Variants in TRIM64 observed in about 807,000 individuals in gnomAD.
TRIM64 encodes the protein tripartite motif containing 64.
TRIM64 carries 3 observed loss-of-function variants against 10.6 expected under a neutral mutation model. That is an observed-to-expected ratio of 0.28 (90% CI 0.13 to 0.73). TRIM64 has a LOEUF of 0.73. TRIM64 is among the 30% of genes least tolerant of loss of function. The pLI, the probability that TRIM64 is intolerant of heterozygous loss-of-function variation, is 0.71. For missense variants in TRIM64, 29 were observed against 152.0 expected (o/e 0.19, Z 4.25); for synonymous variants, 8 against 56.0 (o/e 0.14, Z 3.83).
chr11:89,967,974 G>A (rs1458015912), upstream of TRIM64, among the ~76,000 whole-genome samples: 3 of 35,510 alleles, frequency 8.4e-5, no homozygotes, highest in African/African-American at 2.4e-4. Flanking sequence ...GTAGAAACGG[G>A]GTTTCACGGT....
At chr11:89,968,083 C>A (rs1488214983), upstream of TRIM64, among the ~76,000 whole-genome samples, 1 of 35,290 alleles carries the variant, frequency 2.8e-5, no homozygotes. Context: ...CCCTGCCAAA[C>A]ATGTACATAT....
chr11:89,966,455 A>T (rs1590900190), upstream of TRIM64, among the ~76,000 whole-genome samples: 3 of 74,422 alleles, frequency 4.0e-5, no homozygotes, highest in East Asian at 1.2e-3. Context: ...GAATGTGGGC[A>T]TGTAGTAGTG....
exon 1 of TRIM64, chr11:89,968,646 C>T: frequency 1.4e-6 from 1 of 738,418 alleles, no homozygotes; most frequent in Non-Finnish European, 1.8e-6. Context: ...GAAGGCAGAG[C>T]ACCAATGCGC....
rs4002129 is a variant in TRIM64, at chr11:89,971,803, T to C, written c.759-394T>C. On this transcript the variant is annotated intron_variant, in intron 4 of 5. Coordinates refer to ENST00000533122, the Ensembl canonical transcript of TRIM64. ...TTGCACAAAAGATTAAAGCCTTTTG[T>C]CTCAGTGAACATTCTCTGTTAGACA... Among the ~76,000 whole-genome samples, 322 of 53,254 alleles carry C rather than the reference T, an allele frequency of 6.0e-3. 30 individuals are homozygous for C. The East Asian group carries it at 0.19, about 31-fold the overall frequency. 34.9% of individuals were successfully genotyped at this position (53,254 alleles called of 152,430 possible). A position where few individuals can be genotyped will look rare whatever the true frequency, so the allele number is the denominator to read the frequency against.
At chr11:89,971,725 G>A (rs3956290) in intron 4 of TRIM64, among the ~76,000 whole-genome samples, 2 of 52,626 alleles carry the variant, frequency 3.8e-5, no homozygotes, top group East Asian at 1.3e-3. Flanking sequence ...GGAAATGGTT[G>A]CCTCGGGCCC....
upstream of TRIM64, among the ~76,000 whole-genome samples, chr11:89,966,898 CAA>C (rs778298970): frequency 1.5e-4 from 2 of 12,984 alleles, no homozygotes; most frequent in Non-Finnish European, 1.4e-4. Flanking sequence ...ACAACAGCAA[CAA>C]AAAAAAAAAA....
chr11:89,967,245 T>A (rs2672523), upstream of TRIM64, among the ~76,000 whole-genome samples: 5 of 14,650 alleles, frequency 3.4e-4, no homozygotes, highest in Non-Finnish European at 5.4e-4. Context: ...ATAGATATTA[T>A]TTACATTTAA....
upstream of TRIM64, among the ~76,000 whole-genome samples, chr11:89,967,282 T>C (rs1208801836): frequency 1.4e-3 from 17 of 12,386 alleles, no homozygotes; most frequent in East Asian, 0.018. Context: ...GTTTTGATAT[T>C]AAAGTTAAAA....
upstream of TRIM64, among the ~76,000 whole-genome samples, chr11:89,967,928 C>T (rs1254718177): frequency 2.8e-5 from 1 of 35,534 alleles, no homozygotes; most frequent in Non-Finnish European, 5.2e-5. Flanking sequence ...ACTACAGGCA[C>T]GTGCCACCAC....
At chr11:89,968,106 T>C (rs2134762594), upstream of TRIM64, among the ~76,000 whole-genome samples, 1 of 34,956 alleles carries the variant, frequency 2.9e-5, no homozygotes, top group African/African-American at 2.5e-4. Context: ...TTAATCTTCT[T>C]GCTGTTCCTA....
exon 5 of TRIM64, chr11:89,972,207 G>A: frequency 2.3e-6 from 1 of 429,110 alleles, no homozygotes; most frequent in Non-Finnish European, 3.0e-6. Context: ...GACTGATTTG[G>A]CACAGATGCA....
chr11:89,971,580 TAAA>T (rs746672204), intron 4 of TRIM64, among the ~76,000 whole-genome samples: 5 of 39,810 alleles, frequency 1.3e-4, no homozygotes, highest in Non-Finnish European at 1.6e-4. Context: ...GGTGGGAGGT[TAAA>T]AAAAAAAAAA....
At chr11:89,973,080 C>A (rs1950441632) in intron 5 of TRIM64, among the ~76,000 whole-genome samples, 2 of 29,488 alleles carry the variant, frequency 6.8e-5, no homozygotes, top group South Asian at 1.2e-3. Flanking sequence ...ACAAATAATA[C>A]AAGGAGAGTT....
At chr11:89,971,607 G>A (rs562764976) in intron 4 of TRIM64, among the ~76,000 whole-genome samples, 569 of 49,636 alleles carry the variant, frequency 0.011, 14 homozygotes, top group African/African-American at 0.036. Flanking sequence ...ACAGAGGGAG[G>A]AGAGAGATTC....
upstream of TRIM64, among the ~76,000 whole-genome samples, chr11:89,967,694 T>G (rs1695608106): frequency 2.8e-5 from 1 of 35,592 alleles, no homozygotes; most frequent in Admixed American, 2.7e-4. Context: ...TGTTCGTTGT[T>G]CATATTCATA....
chr11:89,970,475 G>A lies in TRIM64; in HGVS notation c.735+1G>A, dbSNP rs1338093587. The A allele has an allele frequency of 1.8e-6, 1 of 542,552 alleles. No individual in the cohort carries two copies. The highest frequency in any genetic ancestry group is 2.4e-6 in the Non-Finnish European group (1 of 415,408). 33.6% of individuals were successfully genotyped at this position (542,552 alleles called of 1,614,324 possible). A position where few individuals can be genotyped will look rare whatever the true frequency, so the allele number is the denominator to read the frequency against. On this transcript the variant is annotated splice_donor_variant, in intron 3 of 5. Transcript: ENST00000533122. LOFTEE classifies it high-confidence loss of function. ...CGTGCCTGACGTGGAGCTGCTCCAG[G>A]TGAGGAGGGAGGGTCCATCCTCAGA... is the stretch of plus-strand genomic sequence containing the variant.
Position 89,971,670 on chromosome 11 carries a change from G to A in TRIM64, c.758+415G>A, listed in dbSNP as rs1371561268. On this transcript the variant is annotated intron_variant, in intron 4 of 5. Transcript: ENST00000533122. The stretch of plus-strand genomic sequence containing the variant: ...TTGCTCCTAAAAGCATCAATGACCC[G>A]GGCCTGCTCCATCACCATACACCCA... Among the ~76,000 whole-genome samples, 2 of 51,102 alleles carry A rather than the reference G, an allele frequency of 3.9e-5. 1 individual carries two copies. The highest frequency in any genetic ancestry group is 1.8e-3 in the South Asian group (2 of 1,088). 33.5% of individuals were successfully genotyped at this position (51,102 alleles called of 152,430 possible).
At chr11:89,970,563 G>T (rs1950436124) in intron 3 of TRIM64, 89 bp downstream of exon 4, 1 of 156,408 alleles carries the variant, frequency 6.4e-6, no homozygotes, top group Non-Finnish European at 1.1e-5. Context: ...GTATGTCACT[G>T]CTCTAAGCTA....
chr11:89,967,784 C>CT (rs373518849), upstream of TRIM64, among the ~76,000 whole-genome samples: 8 of 35,144 alleles, frequency 2.3e-4, no homozygotes, highest in Admixed American at 5.4e-4. Context: ...TGAATATGTA[C>CT]TTTTTTTTTT....
Sources: gnomAD v4.1 joint callset for allele counts (sites outside exome capture counted in the v4.1 genomes callset) on GRCh38, gnomAD v4.1.1 for gene constraint, MANE v1.5 for transcripts, NCBI Gene and HGNC (gene_info 2026-07-23, HGNC 2026-07-21) for gene names.